The following CD5 variants were observed in gnomAD, a reference collection of about 807,000 sequenced individuals.
The protein encoded by CD5 is T-cell surface glycoprotein CD5.
A neutral mutation model predicts 60.3 loss-of-function variants in CD5; 36 were observed. That is an observed-to-expected ratio of 0.60 (90% confidence interval 0.46 to 0.79). The LOEUF (loss-of-function observed/expected upper bound fraction) is 0.79, where lower values mean the gene tolerates loss of function less well. Among genes scored for constraint, CD5 ranks in the 30% least tolerant of loss-of-function variants. The pLI, the probability that CD5 is intolerant of heterozygous loss-of-function variation, is 0.00. For synonymous variants in CD5, 230 were observed against 257.6 expected (o/e 0.89, Z 1.03); for missense variants, 540 against 630.6 (o/e 0.86, Z 1.54).
At chr11:61,125,294 G>A (rs1229396626) in intron 9 of CD5, 143 bp downstream of exon 9, 2 of 887,478 alleles carry the variant, frequency 2.3e-6, no homozygotes, top group South Asian at 1.6e-5. Context: ...AACATCGCAG[G>A]ATGCAGCAGG....
chr11:61,104,133 T>A (rs1860744751), intron 1 of CD5, among the ~76,000 whole-genome samples: 1 of 151,916 alleles, frequency 6.6e-6, no homozygotes, highest in African/African-American at 2.4e-5. Context: ...TGAGTCTGTG[T>A]GTGAGTCTGT....
At chr11:61,120,096 GGTCCTGCGCC>G (rs1395862362) in intron 5 of CD5, among the ~76,000 whole-genome samples, 1 of 152,124 alleles carries the variant, frequency 6.6e-6, no homozygotes, top group Non-Finnish European at 1.5e-5. Context: ...CTCTGCAGAG[GGTCCTGCGCC>G]GTGTGCTGAC....
upstream of CD5, among the ~76,000 whole-genome samples, chr11:61,098,050 A>C (rs1281961379): frequency 6.6e-6 from 1 of 152,198 alleles, no homozygotes; most frequent in African/African-American, 2.4e-5. Flanking sequence ...CAAGTAGTTG[A>C]AGATATAGTT....
intron 1 of CD5, among the ~76,000 whole-genome samples, chr11:61,107,424 A>G (rs1024686481): frequency 2.0e-4 from 31 of 152,174 alleles, no homozygotes; most frequent in Admixed American, 6.5e-5. Flanking sequence ...CTTGAACCCC[A>G]GGCCAGATGC....
intron 5 of CD5, among the ~76,000 whole-genome samples, chr11:61,119,989 T>C (rs1258896079): frequency 6.6e-6 from 1 of 151,084 alleles, no homozygotes; most frequent in South Asian, 2.1e-4. Flanking sequence ...ATCCCAAGAG[T>C]TGGCATTGCA....
intron 1 of CD5, among the ~76,000 whole-genome samples, chr11:61,106,159 T>C (rs1860775944): frequency 6.7e-6 from 1 of 148,704 alleles, no homozygotes; most frequent in Non-Finnish European, 1.5e-5. Context: ...CCCGAAATAT[T>C]TACACATTTT....
chr11:61,126,834 A>C lies in CD5; in HGVS notation c.*549A>C, dbSNP rs1316347082. 6.6e-6 allele frequency: 1 copy of C among 152,106 alleles called. No individual in the cohort carries two copies. The highest frequency in any genetic ancestry group is 1.5e-5 in the Non-Finnish European group (1 of 68,046). The allele number at this position is 152,106 out of a possible 1,614,324, so 9.4% of individuals were successfully genotyped here. ...GTGGTGGTCAGAGGCTGCTCACCTGAGCACAAAGACAGCTCTGCACATTCA... is the reference window on the plus strand; with the variant it reads ...GTGGTGGTCAGAGGCTGCTCACCTGCGCACAAAGACAGCTCTGCACATTCA... On this transcript the variant is annotated 3_prime_UTR_variant, in exon 11 of 11. Coordinates refer to ENST00000347785, the MANE Select transcript of CD5 (RefSeq NM_014207.4).
chr11:61,108,733 T>C (rs1860809013), intron 1 of CD5, among the ~76,000 whole-genome samples: 2 of 152,180 alleles, frequency 1.3e-5, no homozygotes, highest in African/African-American at 4.8e-5. Flanking sequence ...TTAGAAGGAA[T>C]CACTGTTTAC....
intron 8 of CD5, among the ~76,000 whole-genome samples, 162 bp downstream of exon 8, chr11:61,124,099 C>A (rs970166421): frequency 6.6e-6 from 1 of 152,194 alleles, no homozygotes; most frequent in African/African-American, 2.4e-5. Flanking sequence ...CAGACGTCCC[C>A]ACACCAGGGA....
chr11:61,119,893 A>G (rs941423308), intron 5 of CD5, among the ~76,000 whole-genome samples: 2 of 151,462 alleles, frequency 1.3e-5, no homozygotes, highest in Non-Finnish European at 2.9e-5. Flanking sequence ...TCTGGGGGAG[A>G]AAAAAAAATG....
intron 5 of CD5, 113 bp downstream of exon 5, chr11:61,119,688 C>T (rs569763809): frequency 1.8e-5 from 14 of 758,062 alleles, no homozygotes; most frequent in Non-Finnish European, 2.7e-5. Flanking sequence ...ATGGAGAATA[C>T]AAGGGAAGTG....
At chr11:61,110,435 G>A (rs1430541115) in intron 1 of CD5, among the ~76,000 whole-genome samples, 1 of 152,220 alleles carries the variant, frequency 6.6e-6, no homozygotes. Flanking sequence ...TTAAGAAACT[G>A]AGCCCAGAGA....
At chr11:61,123,812 T>TACC in intron 7 of CD5, 72 bp from the exon 8 acceptor site, 2 of 339,972 alleles carry the variant, frequency 5.9e-6, no homozygotes, top group Non-Finnish European at 1.1e-5. Context: ...CCCAGCCCCA[T>TACC]CCCCACCCCT....
intron 1 of CD5, among the ~76,000 whole-genome samples, chr11:61,109,709 G>A (rs113914291): frequency 5.3e-5 from 8 of 152,208 alleles, no homozygotes; most frequent in East Asian, 3.9e-4. Context: ...TATTGTCTCT[G>A]CCAATGCAAA....
chr11:61,115,518 T>C (rs7946440), intron 2 of CD5, among the ~76,000 whole-genome samples: 345 of 152,158 alleles, frequency 2.3e-3, no homozygotes, highest in Admixed American at 4.9e-3. Flanking sequence ...GCCTTAGACG[T>C]TGGAGTTTAG....
chr11:61,110,386 G>A (rs1283732215), intron 1 of CD5, among the ~76,000 whole-genome samples: 2 of 152,214 alleles, frequency 1.3e-5, no homozygotes, highest in African/African-American at 4.8e-5. Context: ...CCAGGGGGAA[G>A]GTGAGGGACT....
chr11:61,125,836 G>A lies in CD5; in HGVS notation c.1485G>A (p.Leu495=). Residue 495 remains leucine (L), a synonymous_variant, in exon 10 of 11, where the codon CTG becomes CTA. Coordinates refer to ENST00000347785, the MANE Select transcript of CD5 (RefSeq NM_014207.4). ...ATGATCTGCATGGGGCTCAGAGGCT[G>A]TAAAGGTGAGCCCGTCTCCAGCCTG... The part of the protein sequence containing the change: ...SDYDLHGAQR[L] 2 of 1,605,090 alleles carry A rather than the reference G, an allele frequency of 1.2e-6. No individual in the cohort carries two copies. The highest frequency in any genetic ancestry group is 1.1e-5 in the South Asian group (1 of 90,136).
upstream of CD5, among the ~76,000 whole-genome samples, chr11:61,101,344 A>G (rs1275370231): frequency 5.1e-5 from 5 of 97,310 alleles, no homozygotes; most frequent in Non-Finnish European, 8.7e-5. Flanking sequence ...GATCACATTC[A>G]CACACATCAA....
At position 61,125,114 on chromosome 11, in the gene CD5, C is replaced by T; in HGVS notation, c.1362C>T (p.Ser454=). The part of the protein sequence containing the change: ...PTASHVDNEY[S]QPPRNSHLSA... ...CCTCCCACGTGGATAACGAATACAG[C>T]CAACCTCCCAGGAACTCCCACCTGT... is the stretch of plus-strand genomic sequence containing the variant. Residue 454 remains serine, a synonymous_variant, in exon 9 of 11, where the codon AGC becomes AGT. Transcript: ENST00000347785. 1.2e-6 allele frequency: 2 copies of T among 1,614,048 alleles called. No homozygotes were observed. The highest frequency in any genetic ancestry group is 4.5e-5 in the East Asian group (2 of 44,852).
Sources: allele counts gnomAD v4.1 joint callset (sites outside exome capture counted in the v4.1 genomes callset), GRCh38; gene constraint gnomAD v4.1.1; transcripts MANE v1.5; gene names NCBI Gene and HGNC (gene_info 2026-07-23, HGNC 2026-07-21).